Variants in SDK2 observed in about 807,000 individuals in gnomAD.
SDK2 encodes sidekick cell adhesion molecule 2.
Under a neutral mutation model 253.9 loss-of-function variants are expected in SDK2, and 105 were observed. The observed-to-expected ratio is 0.41, with a 90% confidence interval of 0.35 to 0.49. SDK2 has a LOEUF of 0.49. SDK2 is among the 20% of genes least tolerant of loss of function. The probability of loss-of-function intolerance (pLI) is 0.06; values close to 1 mark genes in which losing one functional copy is unlikely to be tolerated. For missense variants in SDK2, 2,608 were observed against 3,003.0 expected (o/e 0.87, Z 3.07); for synonymous variants, 1,249 against 1,234.9 (o/e 1.01, Z -0.24).
chr17:73,595,775 C>G (rs897263173), intron 1 of SDK2, among the ~76,000 whole-genome samples: 66 of 152,262 alleles, frequency 4.3e-4, no homozygotes, highest in African/African-American at 1.5e-3. Context: ...CCACTCCTCA[C>G]CGGCAGGCCC....
chr17:73,433,912 C>T, intron 9 of SDK2, 64 bp from the exon 10 acceptor site: 2 of 1,185,116 alleles, frequency 1.7e-6, no homozygotes. Flanking sequence ...GCCAGAGGGC[C>T]AGGGGCCTCC....
intron 1 of SDK2, among the ~76,000 whole-genome samples, chr17:73,566,514 A>C (rs577027029): frequency 1.3e-5 from 2 of 152,330 alleles, no homozygotes; most frequent in South Asian, 4.1e-4. Flanking sequence ...GGGTTCAAAA[A>C]TAGACAAAAA....
rs750250733 is a variant in SDK2 at position 73,405,517 on chromosome 17, T to TATATATATAAATAA, written c.2485-3377_2485-3376insTTATTTATATATAT. Among the ~76,000 whole-genome samples, 11 of 66,142 alleles carry TATATATATAAATAA rather than the reference T, an allele frequency of 1.7e-4. 1 individual carries two copies. The highest frequency in any genetic ancestry group is 4.1e-4 in the Admixed American group (2 of 4,888). 43.4% of individuals were successfully genotyped at this position (66,142 alleles called of 152,430 possible). A position where few individuals can be genotyped will look rare whatever the true frequency, so the allele number is the denominator to read the frequency against. ...ATATATATATATATATATATATATA[T>TATATATATAAATAA]AAAGATCGAGAATGTGGAAAGTACA... On this transcript the variant is annotated intron_variant, in intron 18 of 44. Coordinates refer to ENST00000392650, the MANE Select transcript of SDK2 (RefSeq NM_001144952.2).
chr17:73,546,614 A>T (rs1301023348), intron 1 of SDK2, among the ~76,000 whole-genome samples: 7 of 152,198 alleles, frequency 4.6e-5, no homozygotes, highest in African/African-American at 1.4e-4. Flanking sequence ...GCCTGGGGCC[A>T]TGGCCTGGAC....
At chr17:73,502,084 TACACACACACAC>T (rs5821971) in intron 2 of SDK2, among the ~76,000 whole-genome samples, 24 of 26,542 alleles carry the variant, frequency 9.0e-4, no homozygotes, top group Middle Eastern at 0.016. Flanking sequence ...GTAGTGCACA[TACACACACACAC>T]ACACACACAC....
chr17:73,408,446 G>C (rs896032953), intron 18 of SDK2, among the ~76,000 whole-genome samples: 1 of 151,562 alleles, frequency 6.6e-6, no homozygotes, highest in Admixed American at 6.6e-5. Flanking sequence ...GGATGGTCTC[G>C]ATCTCCTGAC....
rs1402256601 is a variant in SDK2 at position 73,618,736 on chromosome 17, C to CA, written c.64+25288dup. On this transcript the variant is annotated intron_variant, in intron 1 of 44. Coordinates refer to ENST00000392650, the MANE Select transcript of SDK2 (RefSeq NM_001144952.2). This position sits in a 1 kb window ranked among gnomAD's most constrained non-coding sequence, Gnocchi z 4.1. ...ATTCCCCGATCACCCCTGCCATCCT[C>CA]ACGGCCAAGGAAAGCAATGCCAGGA... Among the ~76,000 whole-genome samples, 1 of 152,174 alleles carries CA rather than the reference C, an allele frequency of 6.6e-6. No individual in the cohort carries two copies. The highest frequency in any genetic ancestry group is 2.4e-5 in the African/African-American group (1 of 41,440).
chr17:73,475,207 A>G (rs1300920389), intron 2 of SDK2, among the ~76,000 whole-genome samples: 1 of 151,978 alleles, frequency 6.6e-6, no homozygotes, highest in Non-Finnish European at 1.5e-5. Context: ...GCTGAAGTGC[A>G]GTGGTGTGAT....
chr17:73,379,144 T>G lies in SDK2; in HGVS notation c.4980+33A>C. Reference sequence around the variant, plus strand: ...AGCCTCCGACCTGGCTTCTCATCCGTGCACCCCTTTGCTCTGCCCGAGGGC... The same window carrying G: ...AGCCTCCGACCTGGCTTCTCATCCGGGCACCCCTTTGCTCTGCCCGAGGGC... On this transcript the variant is annotated intron_variant, in intron 36 of 44. Coordinates refer to ENST00000392650, the MANE Select transcript of SDK2 (RefSeq NM_001144952.2). The surrounding 1 kb of genome is among the most constrained non-coding windows in gnomAD (Gnocchi z 4.5). 6.7e-7 allele frequency: 1 copy of G among 1,497,962 alleles called. No homozygotes were observed. Among genetic ancestry groups the G allele is most frequent in the Non-Finnish European group, 9.1e-7 (1 of 1,098,698 alleles). 92.8% of individuals were successfully genotyped at this position (1,497,962 alleles called of 1,614,324 possible).
In SDK2 at chr17:73,640,083, A is replaced by G. The variant is rs142454168; in HGVS notation, c.64+3942T>C. On this transcript the variant is annotated intron_variant, in intron 1 of 44. Coordinates refer to ENST00000392650, the MANE Select transcript of SDK2 (RefSeq NM_001144952.2). Reference sequence around the variant, plus strand: ...CAGGTTAACACTTCATTTTAAAGTCAGCCATTCAGGCGCTGTTTAAACAGA... The same window carrying G: ...CAGGTTAACACTTCATTTTAAAGTCGGCCATTCAGGCGCTGTTTAAACAGA... 3.3e-5 allele frequency among the ~76,000 whole-genome samples: 5 copies of G among 152,338 alleles called. No homozygotes were observed. In the East Asian group the frequency reaches 9.7e-4, roughly 29 times the overall value.
chr17:73,481,050 G>A lies in SDK2; in HGVS notation c.225-8832C>T, dbSNP rs898700191. Among the ~76,000 whole-genome samples the A allele has an allele frequency of 8.5e-5, 13 of 152,362 alleles. No individual in the cohort carries two copies. Among genetic ancestry groups the A allele is most frequent in the Non-Finnish European group, 1.5e-4 (10 of 68,040 alleles). On this transcript the variant is annotated intron_variant, in intron 2 of 44. Transcript: ENST00000392650. The surrounding 1 kb of genome is among the most constrained non-coding windows in gnomAD (Gnocchi z 4.5). Reference sequence around the variant, plus strand: ...CTCCTGGCTGGGAGGCTACAGGGCCGCCATTTGAAGGGGAGGCAGCAGCCT... The same window carrying A: ...CTCCTGGCTGGGAGGCTACAGGGCCACCATTTGAAGGGGAGGCAGCAGCCT...
At chr17:73,608,504 G>A (rs770697791) in intron 1 of SDK2, among the ~76,000 whole-genome samples, 10 of 152,078 alleles carry the variant, frequency 6.6e-5, no homozygotes, top group Non-Finnish European at 1.2e-4. Flanking sequence ...GTGCAATGGC[G>A]CGATCTCGGC....
intron 1 of SDK2, among the ~76,000 whole-genome samples, chr17:73,617,935 G>A (rs979632847): frequency 1.3e-5 from 2 of 152,076 alleles, no homozygotes; most frequent in Admixed American, 6.5e-5. Flanking sequence ...AGATCTAAAC[G>A]CCTTAAAACA....
rs75143395 is a variant in SDK2 at position 73,488,000 on chromosome 17, C to T, written c.225-15782G>A. Among the ~76,000 whole-genome samples the T allele has an allele frequency of 9.9e-3, 1,502 of 151,160 alleles. 23 individuals carry two copies. The highest frequency in any genetic ancestry group is 0.035 in the African/African-American group (1,434 of 41,408). ...TACCTCGGACACTCCATCTGTATAA[C>T]GGGCAAAGTAAGGATGACTGTCCCT... On this transcript the variant is annotated intron_variant, in intron 2 of 44. Coordinates refer to ENST00000392650, the MANE Select transcript of SDK2 (RefSeq NM_001144952.2).
At chr17:73,348,039 C>A (rs2062500023) in intron 44 of SDK2, among the ~76,000 whole-genome samples, 2 of 152,236 alleles carry the variant, frequency 1.3e-5, no homozygotes, top group Admixed American at 6.5e-5. Flanking sequence ...TTACTTGGCA[C>A]ACCCAGGACA....
At chr17:73,585,987 C>T (rs182450382) in intron 1 of SDK2, among the ~76,000 whole-genome samples, 123 of 152,266 alleles carry the variant, frequency 8.1e-4, no homozygotes, top group Non-Finnish European at 1.4e-3. Context: ...CGGAAAGGGA[C>T]AAGAAACGGA....
chr17:73,409,961 C>T (rs1382742630), intron 18 of SDK2, among the ~76,000 whole-genome samples: 1 of 152,024 alleles, frequency 6.6e-6, no homozygotes, highest in African/African-American at 2.4e-5. Flanking sequence ...TCAAACAATC[C>T]TCCCTGTCTT....
chr17:73,434,796 A>T (rs1320225312), intron 9 of SDK2, among the ~76,000 whole-genome samples: 1 of 151,870 alleles, frequency 6.6e-6, no homozygotes, highest in Non-Finnish European at 1.5e-5. Context: ...CTGCCTGGCT[A>T]ATTTTTTGTA....
rs567744141 is a variant in SDK2, at chr17:73,617,487, C to T, written c.64+26538G>A. On this transcript the variant is annotated intron_variant, in intron 1 of 44. Coordinates refer to ENST00000392650, the MANE Select transcript of SDK2 (RefSeq NM_001144952.2). ...CCTGGCTCTGATTTTTAACTTCAGC[C>T]AAGGTGGGGAGGAGGGTGACAGGCA... is the stretch of plus-strand genomic sequence containing the variant. Among the ~76,000 whole-genome samples the T allele has an allele frequency of 2.0e-5, 3 of 152,206 alleles. No individual in the cohort carries two copies. In the East Asian group the frequency reaches 5.8e-4, roughly 30 times the overall value.
Sources: allele counts gnomAD v4.1 joint callset (sites outside exome capture counted in the v4.1 genomes callset), GRCh38; gene constraint gnomAD v4.1.1; non-coding constraint Gnocchi (gnomAD v3.1); transcripts MANE v1.5; gene names NCBI Gene and HGNC (gene_info 2026-07-23, HGNC 2026-07-21).